The following BACH2 variants were observed in gnomAD, a reference collection of about 807,000 sequenced individuals.
BACH2 encodes the protein BACH transcriptional regulator 2, also known as transcription regulator protein BACH2.
A neutral mutation model predicts 61.8 loss-of-function variants in BACH2; 5 were observed. The observed-to-expected ratio is 0.08, with a 90% CI of 0.04 to 0.17. The LOEUF is 0.17. Ranked by LOEUF, BACH2 falls within the 10% of genes least tolerant of loss-of-function variation. The pLI is 1.00. For missense variants in BACH2, 824 were observed against 1,091.1 expected (o/e 0.76, Z 3.45); for synonymous variants, 446 against 440.1 (o/e 1.01, Z -0.17).
intron 6 of BACH2, among the ~76,000 whole-genome samples, chr6:89,957,921 A>G (rs947901363): frequency 6.6e-6 from 1 of 152,228 alleles, no homozygotes; most frequent in Admixed American, 6.5e-5. Flanking sequence ...CAACATTGAA[A>G]TTGATTTATA....
intron 6 of BACH2, among the ~76,000 whole-genome samples, chr6:89,960,257 G>A (rs947104490): frequency 2.0e-5 from 3 of 152,154 alleles, no homozygotes; most frequent in Non-Finnish European, 2.9e-5. Flanking sequence ...CTAGTTCCCT[G>A]ACTTAACAAT....
intron 4 of BACH2, among the ~76,000 whole-genome samples, chr6:90,147,842 T>C (rs182015042): frequency 2.0e-5 from 3 of 152,330 alleles, no homozygotes; most frequent in Non-Finnish European, 2.9e-5. Flanking sequence ...CACAAAATGA[T>C]GTTTCAAAAA....
chr6:90,119,780 A>G (rs1201039249), intron 4 of BACH2, among the ~76,000 whole-genome samples: 3 of 152,224 alleles, frequency 2.0e-5, no homozygotes, highest in Admixed American at 2.0e-4. Context: ...CTCTTTAAAC[A>G]TAACGTTCAT....
chr6:89,981,548 G>A (rs1489338584), intron 6 of BACH2, among the ~76,000 whole-genome samples: 1 of 152,106 alleles, frequency 6.6e-6, no homozygotes, highest in African/African-American at 2.4e-5. Flanking sequence ...TCCCTGAATT[G>A]ACAAGCATCT....
chr6:90,105,426 T>C (rs1782857791), intron 4 of BACH2, among the ~76,000 whole-genome samples: 1 of 152,244 alleles, frequency 6.6e-6, no homozygotes, highest in Admixed American at 6.5e-5. Flanking sequence ...GGTTTCTTTA[T>C]TCCATACATA....
intron 3 of BACH2, among the ~76,000 whole-genome samples, chr6:90,232,850 C>T (rs1770142730): frequency 6.6e-6 from 1 of 152,176 alleles, no homozygotes; most frequent in South Asian, 2.1e-4. Flanking sequence ...TCTTTCTTGA[C>T]ATCTTTTATT....
intron 5 of BACH2, among the ~76,000 whole-genome samples, chr6:90,049,372 C>T (rs1779931001): frequency 6.6e-6 from 1 of 152,140 alleles, no homozygotes; most frequent in African/African-American, 2.4e-5. Context: ...GGATGACAGA[C>T]CTCTCTGAGG....
At chr6:90,246,209 A>C (rs657569) in intron 3 of BACH2, among the ~76,000 whole-genome samples, 11,207 of 152,022 alleles carry the variant, frequency 0.074, 1,320 homozygotes, top group African/African-American at 0.25. Context: ...CCTCTACTAC[A>C]CTCCCTTGAC....
chr6:90,010,907 T>G (rs1777669288), intron 5 of BACH2, among the ~76,000 whole-genome samples: 1 of 152,246 alleles, frequency 6.6e-6, no homozygotes, highest in South Asian at 2.1e-4. Context: ...TCTATTTAGA[T>G]TCTTTGCCCA....
chr6:89,989,782 G>T (rs778005043), intron 6 of BACH2, among the ~76,000 whole-genome samples: 1 of 152,140 alleles, frequency 6.6e-6, no homozygotes, highest in Non-Finnish European at 1.5e-5. Flanking sequence ...AATAAATAAG[G>T]CTGCATTATT....
chr6:90,115,191 G>A (rs778385216), intron 4 of BACH2, among the ~76,000 whole-genome samples: 3 of 151,800 alleles, frequency 2.0e-5, no homozygotes, highest in East Asian at 1.9e-4. Flanking sequence ...TATGTGGAAC[G>A]AAAAAAGAGC....
chr6:90,242,197 T>A (rs1770478394), intron 3 of BACH2, among the ~76,000 whole-genome samples: 1 of 152,214 alleles, frequency 6.6e-6, no homozygotes, highest in Non-Finnish European at 1.5e-5. Flanking sequence ...TACAATATCA[T>A]ACAGAATAGT....
intron 3 of BACH2, among the ~76,000 whole-genome samples, chr6:90,213,378 T>A (rs1462659059): frequency 6.6e-6 from 1 of 152,204 alleles, no homozygotes; most frequent in Non-Finnish European, 1.5e-5. Flanking sequence ...GGTTGGCTAG[T>A]TTGCCTCTTC....
At chr6:90,202,653 A>G (rs1308307870) in intron 4 of BACH2, among the ~76,000 whole-genome samples, 3 of 152,202 alleles carry the variant, frequency 2.0e-5, no homozygotes, top group African/African-American at 7.2e-5. Context: ...ATAATAATGG[A>G]AAAATCAATT....
chr6:90,277,413 T>C (rs1242258931), intron 1 of BACH2, among the ~76,000 whole-genome samples: 1 of 152,156 alleles, frequency 6.6e-6, no homozygotes, highest in Non-Finnish European at 1.5e-5. Context: ...TGTATCTCCA[T>C]TGATATAAAG....
At chr6:90,049,228 C>T (rs923325738) in intron 5 of BACH2, among the ~76,000 whole-genome samples, 1 of 152,142 alleles carries the variant, frequency 6.6e-6, no homozygotes, top group Non-Finnish European at 1.5e-5. Flanking sequence ...AAAGTCCCTA[C>T]ATTCTTAGGT....
At chr6:89,948,612 C>T (rs750893513) in intron 7 of BACH2, among the ~76,000 whole-genome samples, 4 of 152,164 alleles carry the variant, frequency 2.6e-5, no homozygotes, top group African/African-American at 4.8e-5. Context: ...ATGAGGTGGA[C>T]GCAGTGACTT....
At chr6:89,968,069 C>T (rs1775143123) in intron 6 of BACH2, among the ~76,000 whole-genome samples, 1 of 152,216 alleles carries the variant, frequency 6.6e-6, no homozygotes, top group Non-Finnish European at 1.5e-5. Flanking sequence ...TTTGCCCAAG[C>T]CATGACCACT....
chr6:90,169,254 G>T (rs554050342), intron 4 of BACH2, among the ~76,000 whole-genome samples: 2 of 151,884 alleles, frequency 1.3e-5, no homozygotes, highest in African/African-American at 4.8e-5. Flanking sequence ...AGTGATTTAT[G>T]TATTTTTCAG....
Sources: gnomAD v4.1 joint callset for allele counts (sites outside exome capture counted in the v4.1 genomes callset) on GRCh38, gnomAD v4.1.1 for gene constraint, MANE v1.5 for transcripts, NCBI Gene and HGNC (gene_info 2026-07-23, HGNC 2026-07-21) for gene names.